The following SLC7A14 variants were observed in gnomAD, a reference collection of about 807,000 sequenced individuals.
SLC7A14 encodes gamma-aminobutyric acid transporter SLC7A14.
Under a neutral mutation model 60.2 loss-of-function variants are expected in SLC7A14, and 37 were observed. The observed-to-expected ratio is 0.61, with a 90% CI of 0.47 to 0.81. The LOEUF is 0.81. SLC7A14 is among the 30% of genes least tolerant of loss of function. SLC7A14 has a pLI of 0.00. For missense variants in SLC7A14, 886 were observed against 982.7 expected, an observed-to-expected ratio of 0.90 and a Z score of 1.32; for synonymous variants, 399 against 395.8, an observed-to-expected ratio of 1.01 and a Z score of -0.10.
chr3:170,467,001 G>T lies in SLC7A14; in HGVS notation c.*54C>A. Reference sequence around the variant, plus strand: ...AAAAGTTTTCACCTTCTAGCCCACAGGTTAAGTTACTGAAAATCAGTCATC... The same window carrying T: ...AAAAGTTTTCACCTTCTAGCCCACATGTTAAGTTACTGAAAATCAGTCATC... On this transcript the variant is annotated 3_prime_UTR_variant, in exon 8 of 8. Transcript: ENST00000231706. 1 of 1,477,754 alleles carries T rather than the reference G, an allele frequency of 6.8e-7. No individual in the cohort carries two copies. Among genetic ancestry groups the T allele is most frequent in the South Asian group, 1.3e-5 (1 of 75,742 alleles). The allele number at this position is 1,477,754 out of a possible 1,614,324, so 91.5% of individuals were successfully genotyped here.
intron 2 of SLC7A14, among the ~76,000 whole-genome samples, chr3:170,520,991 G>T (rs1337030967): frequency 1.3e-5 from 2 of 152,214 alleles, no homozygotes; most frequent in African/African-American, 2.4e-5. Flanking sequence ...ATGATGAAAA[G>T]AAACCTATTT....
intron 3 of SLC7A14, among the ~76,000 whole-genome samples, chr3:170,499,194 G>A (rs939308018): frequency 6.6e-5 from 8 of 121,482 alleles, no homozygotes. Context: ...CCGAGATCAC[G>A]CCACTGCACT....
intron 2 of SLC7A14, among the ~76,000 whole-genome samples, chr3:170,520,141 G>C (rs961407181): frequency 1.3e-5 from 2 of 152,240 alleles, no homozygotes; most frequent in African/African-American, 4.8e-5. Flanking sequence ...TCTGGAGTCA[G>C]ACTGCTTTCA....
At chr3:170,485,688 A>G (rs1253877280) in intron 5 of SLC7A14, among the ~76,000 whole-genome samples, 1 of 152,086 alleles carries the variant, frequency 6.6e-6, no homozygotes, top group Non-Finnish European at 1.5e-5. Flanking sequence ...GGTGAATTTG[A>G]GCTGGTGTAA....
At chr3:170,524,130 T>A (rs1713423006) in intron 2 of SLC7A14, among the ~76,000 whole-genome samples, 1 of 152,116 alleles carries the variant, frequency 6.6e-6, no homozygotes, top group African/African-American at 2.4e-5. Context: ...AGGACCAGGG[T>A]CTTTAGTGGA....
chr3:170,512,353 C>T (rs565859556), intron 2 of SLC7A14, among the ~76,000 whole-genome samples: 2 of 152,246 alleles, frequency 1.3e-5, no homozygotes, highest in South Asian at 2.1e-4. Context: ...CTTTCATGGG[C>T]CTGCACCCAT....
intron 2 of SLC7A14, among the ~76,000 whole-genome samples, chr3:170,521,957 T>C (rs1025252280): frequency 1.3e-5 from 2 of 150,892 alleles, no homozygotes; most frequent in African/African-American, 4.9e-5. Context: ...GGGCAAAAGA[T>C]TTAAATAGAC....
intron 1 of SLC7A14, among the ~76,000 whole-genome samples, chr3:170,545,772 G>T (rs1166166130): frequency 6.6e-6 from 1 of 152,212 alleles, no homozygotes; most frequent in Non-Finnish European, 1.5e-5. Context: ...CACATTAGCT[G>T]ATATTATTAT....
At chr3:170,486,486 CAT>C in intron 4 of SLC7A14, 118 bp from the exon 5 acceptor site, 2 of 1,296,430 alleles carry the variant, frequency 1.5e-6, no homozygotes, top group Non-Finnish European at 2.2e-6. Flanking sequence ...GAGGGAGTAA[CAT>C]GGTGGAACTC....
intron 1 of SLC7A14, among the ~76,000 whole-genome samples, chr3:170,554,934 C>T (rs759437378): frequency 2.0e-5 from 3 of 151,896 alleles, no homozygotes; most frequent in African/African-American, 7.3e-5. Flanking sequence ...TTTGGGAGGC[C>T]GAGGTGGGCA....
intron 1 of SLC7A14, among the ~76,000 whole-genome samples, chr3:170,539,076 C>T (rs1373329040): frequency 7.9e-5 from 12 of 152,204 alleles, no homozygotes; most frequent in Admixed American, 6.5e-4. Flanking sequence ...GGTTTTGTAT[C>T]GCAAATGAAA....
rs765534603 is a variant in SLC7A14 at position 170,526,703 on chromosome 3, C to T, written c.234G>A (p.Val78=). The change falls in exon 2 of 8, where the codon GTG becomes GTA. Residue 78 remains valine (V), a synonymous_variant. Coordinates refer to ENST00000231706, the MANE Select transcript of SLC7A14 (RefSeq NM_020949.3). The part of the protein sequence containing the change: ...GTGMYVVSGL[V]AKEMAGPGVI... ...CACCAGGTCCTGCCATTTCCTTGGC[C>T]ACCAGGCCAGAGACCACATACATGC... 1 of 1,614,238 alleles carries T rather than the reference C, an allele frequency of 6.2e-7. No homozygotes were observed. The highest frequency in any genetic ancestry group is 1.7e-5 in the Admixed American group (1 of 60,030).
In SLC7A14 at chr3:170,467,114, GTTTGCT is replaced by G. The variant is rs749044373; in HGVS notation, c.2251_2256del (p.Ser751_Lys752del). The G allele has an allele frequency of 1.4e-4, 220 of 1,614,078 alleles. No homozygotes were observed. The highest frequency in any genetic ancestry group is 1.8e-4 in the Non-Finnish European group (216 of 1,180,050). On this transcript the variant is annotated inframe_deletion, in exon 8 of 8. Coordinates refer to ENST00000231706, the MANE Select transcript of SLC7A14 (RefSeq NM_020949.3). The stretch of plus-strand genomic sequence containing the variant: ...ATCAGGGCCTCTGAGTTCTGTTTGT[GTTTGCT>G]TTTGCTCTTCGCTTTGCTACTTGTC...
intron 1 of SLC7A14, among the ~76,000 whole-genome samples, chr3:170,569,865 A>G (rs939776134): frequency 1.3e-5 from 2 of 152,046 alleles, no homozygotes; most frequent in South Asian, 4.2e-4. Context: ...TATCCCCTTT[A>G]TCACTTTTTA....
chr3:170,538,323 G>A (rs1713911187), intron 1 of SLC7A14, among the ~76,000 whole-genome samples: 1 of 152,112 alleles, frequency 6.6e-6, no homozygotes, highest in Non-Finnish European at 1.5e-5. Flanking sequence ...CCCACAGCCA[G>A]GCTTCTCTTG....
At chr3:170,555,729 G>A (rs1425955359) in intron 1 of SLC7A14, among the ~76,000 whole-genome samples, 1 of 152,178 alleles carries the variant, frequency 6.6e-6, no homozygotes, top group African/African-American at 2.4e-5. Context: ...AAAAGTTACA[G>A]TAAAAATATA....
intron 5 of SLC7A14, among the ~76,000 whole-genome samples, chr3:170,485,334 T>C (rs1267911947): frequency 6.6e-6 from 1 of 152,210 alleles, no homozygotes. Flanking sequence ...CTTAGCTAGT[T>C]GCTAAAGATG....
At chr3:170,497,087 C>CAAAAAAAAAAAAAAAAAAAA (rs548290941) in intron 4 of SLC7A14, among the ~76,000 whole-genome samples, 10 of 94,262 alleles carry the variant, frequency 1.1e-4, no homozygotes, top group African/African-American at 1.6e-4. Context: ...TTATTTTGTC[C>CAAAAAAAAAAAAAAAAAAAA]AAAAAAAAAA....
rs1004659354 is a variant in SLC7A14 at position 170,585,778 on chromosome 3, G to C, written c.-153+133C>G. On this transcript the variant is annotated intron_variant, in intron 1 of 7. Transcript: ENST00000231706. The surrounding 1 kb of genome is among the most constrained non-coding windows in gnomAD (Gnocchi z 5.1). ...CCCTGGGCCTCCGCGCCATATTCCT[G>C]GTCCCCCGCTCCCGGTGACTCCGGC... 4 of 152,224 alleles carry C rather than the reference G, an allele frequency of 2.6e-5. No homozygotes were observed. The East Asian group carries it at 7.8e-4, about 30-fold the overall frequency. The allele number at this position is 152,224 out of a possible 1,614,324, so 9.4% of individuals were successfully genotyped here.
Sources: gnomAD v4.1 joint callset for allele counts (sites outside exome capture counted in the v4.1 genomes callset) on GRCh38, gnomAD v4.1.1 for gene constraint, Gnocchi (gnomAD v3.1) non-coding constraint, MANE v1.5 for transcripts, NCBI Gene and HGNC (gene_info 2026-07-23, HGNC 2026-07-21) for gene names.